The following KCNH8 variants were observed in gnomAD, a reference collection of about 807,000 sequenced individuals.
The protein encoded by KCNH8 is voltage-gated delayed rectifier potassium channel KCNH8.
KCNH8 carries 70 observed loss-of-function variants against 103.6 expected under a neutral mutation model. The observed-to-expected ratio is 0.68, with a 90% CI of 0.56 to 0.82. The LOEUF (loss-of-function observed/expected upper bound fraction) is 0.82. Ranked by LOEUF, KCNH8 falls within the 40% of genes least tolerant of loss-of-function variation. The probability of loss-of-function intolerance (pLI) is 0.00; values close to 1 mark genes in which losing one functional copy is unlikely to be tolerated. For missense variants in KCNH8, 1,217 were observed against 1,329.9 expected (o/e 0.92, Z 1.32); for synonymous variants, 498 against 489.4 (o/e 1.02, Z -0.23).
At chr3:19,389,659 C>T (rs765209767) in intron 5 of KCNH8, among the ~76,000 whole-genome samples, 5 of 152,050 alleles carry the variant, frequency 3.3e-5, no homozygotes, top group African/African-American at 4.8e-5. Context: ...AACAGGGTCT[C>T]ACTCTGTTGC....
intron 5 of KCNH8, among the ~76,000 whole-genome samples, chr3:19,369,164 ATATT>A (rs753985631): frequency 2.9e-4 from 44 of 152,086 alleles, no homozygotes; most frequent in Admixed American, 4.6e-4. Context: ...CAGTATTTTT[ATATT>A]TATTATTTCC....
intron 15 of KCNH8, 129 bp from the exon 16 acceptor site, chr3:19,533,266 G>T: frequency 1.1e-5 from 7 of 629,768 alleles, no homozygotes; most frequent in East Asian, 2.8e-5. Context: ...ATGCTAAAAT[G>T]TTTAAGAATA....
rs1323938602 is a variant in KCNH8, at chr3:19,367,201, C to A, written c.811+19236C>A. Among the ~76,000 whole-genome samples, 3 of 151,798 alleles carry A rather than the reference C, an allele frequency of 2.0e-5. No individual in the cohort carries two copies. In the East Asian group the frequency reaches 5.8e-4, roughly 29 times the overall value. ...AAAATGGCAAGACATCTCCTTAGTT[C>A]CTCTTTACGCAATTAAATTTTTCTT... On this transcript the variant is annotated intron_variant, in intron 5 of 15. Transcript: ENST00000328405.
chr3:19,354,820 T>G (rs986783277), intron 5 of KCNH8, among the ~76,000 whole-genome samples: 46 of 152,128 alleles, frequency 3.0e-4, no homozygotes, highest in African/African-American at 9.1e-4. Context: ...CATAGGCATG[T>G]GCAAGGACTT....
chr3:19,363,943 A>G (rs1401371550), intron 5 of KCNH8, among the ~76,000 whole-genome samples: 1 of 152,174 alleles, frequency 6.6e-6, no homozygotes, highest in Non-Finnish European at 1.5e-5. Context: ...AATAATAAAT[A>G]AAGTTGAAGT....
intron 7 of KCNH8, among the ~76,000 whole-genome samples, chr3:19,427,628 T>C (rs1280047128): frequency 1.1e-4 from 16 of 152,122 alleles, no homozygotes; most frequent in Admixed American, 9.2e-4. Context: ...AAATGAGTCA[T>C]TGGGATGTTG....
At chr3:19,311,415 C>G (rs2065206176) in intron 3 of KCNH8, among the ~76,000 whole-genome samples, 1 of 151,532 alleles carries the variant, frequency 6.6e-6, no homozygotes, top group South Asian at 2.1e-4. Context: ...GGTTGCAGAG[C>G]TATTAACTAC....
chr3:19,455,702 G>A (rs1387099839), intron 10 of KCNH8, among the ~76,000 whole-genome samples: 7 of 151,994 alleles, frequency 4.6e-5, no homozygotes, highest in Non-Finnish European at 1.0e-4. Context: ...TTCATTGAAC[G>A]AATAAATGAA....
At position 19,253,647 on chromosome 3, in the gene KCNH8, T is replaced by TC; in HGVS notation, c.77-6dup. The TC allele has an allele frequency of 6.2e-7, 1 of 1,601,650 alleles. No individual in the cohort carries two copies. The highest frequency in any genetic ancestry group is 8.6e-7 in the Non-Finnish European group (1 of 1,169,220). ...TTGCTGAGTATCTTCTCCTTGTTTT[T>TC]CTATAGATAGCAACTTCATCCTTGC... On this transcript the variant is annotated splice_region_variant and splice_polypyrimidine_tract_variant and intron_variant, in intron 1 of 15. Transcript: ENST00000328405.
intron 3 of KCNH8, among the ~76,000 whole-genome samples, chr3:19,325,077 C>CA (rs1156894112): frequency 6.6e-6 from 1 of 152,042 alleles, no homozygotes; most frequent in African/African-American, 2.4e-5. Flanking sequence ...TTCAACAAAC[C>CA]TGACAAAAAC....
intron 2 of KCNH8, among the ~76,000 whole-genome samples, 163 bp downstream of exon 2, chr3:19,254,050 C>A (rs118113944): frequency 6.6e-6 from 1 of 151,822 alleles, no homozygotes; most frequent in Non-Finnish European, 1.5e-5. Flanking sequence ...CTTGTTTTAA[C>A]CATAAGCAGC....
At chr3:19,473,831 C>T (rs1240831569) in intron 11 of KCNH8, among the ~76,000 whole-genome samples, 1 of 152,140 alleles carries the variant, frequency 6.6e-6, no homozygotes, top group Non-Finnish European at 1.5e-5. Flanking sequence ...GAAGCAATGT[C>T]TTTAATTTAG....
chr3:19,153,823 G>A (rs187586844), intron 1 of KCNH8, among the ~76,000 whole-genome samples: 319 of 151,474 alleles, frequency 2.1e-3, no homozygotes, highest in South Asian at 0.014. Context: ...TAGTAGAGAC[G>A]GGGTTTCACC....
chr3:19,493,500 C>T (rs1036594488), intron 11 of KCNH8, among the ~76,000 whole-genome samples: 1 of 152,152 alleles, frequency 6.6e-6, no homozygotes, highest in Non-Finnish European at 1.5e-5. Flanking sequence ...TGCCACCATG[C>T]AAGATGTGCC....
chr3:19,478,805 G>C (rs2068027448), intron 11 of KCNH8, among the ~76,000 whole-genome samples: 1 of 152,030 alleles, frequency 6.6e-6, no homozygotes, highest in Non-Finnish European at 1.5e-5. Flanking sequence ...GGCTGGGGTA[G>C]TCATGTGCCC....
chr3:19,497,672 T>G (rs1214139667), intron 11 of KCNH8, among the ~76,000 whole-genome samples: 2 of 152,202 alleles, frequency 1.3e-5, no homozygotes, highest in African/African-American at 4.8e-5. Context: ...TGTGGTTGAT[T>G]TTAGAATATG....
At chr3:19,350,493 C>T (rs2065785336) in intron 5 of KCNH8, among the ~76,000 whole-genome samples, 1 of 152,128 alleles carries the variant, frequency 6.6e-6, no homozygotes, top group African/African-American at 2.4e-5. Context: ...GGCCAACTGA[C>T]ACCTCATGCA....
At chr3:19,439,414 C>T (rs1270410959) in intron 8 of KCNH8, among the ~76,000 whole-genome samples, 1 of 152,172 alleles carries the variant, frequency 6.6e-6, no homozygotes, top group Non-Finnish European at 1.5e-5. Flanking sequence ...AACTGAGACT[C>T]ATAGATGGCA....
chr3:19,471,626 A>AT (rs1226859379), intron 11 of KCNH8, among the ~76,000 whole-genome samples: 3 of 152,226 alleles, frequency 2.0e-5, no homozygotes, highest in Non-Finnish European at 4.4e-5. Flanking sequence ...AATAAGTTGT[A>AT]TAAGTTTATG....
Sources: gnomAD v4.1 joint callset for allele counts (sites outside exome capture counted in the v4.1 genomes callset) on GRCh38, gnomAD v4.1.1 for gene constraint, MANE v1.5 for transcripts, NCBI Gene and HGNC (gene_info 2026-07-23, HGNC 2026-07-21) for gene names.